The following MGAT4C variants were observed in gnomAD, a reference collection of about 807,000 sequenced individuals.
MGAT4C encodes the protein alpha-1,3-mannosyl-glycoprotein 4-beta-N-acetylglucosaminyltransferase C.
MGAT4C carries 19 observed loss-of-function variants against 40.1 expected under a neutral mutation model. That is an observed-to-expected ratio of 0.47 (90% CI 0.33 to 0.70). The LOEUF (loss-of-function observed/expected upper bound fraction) is 0.70, where lower values mean the gene tolerates loss of function less well. Ranked by LOEUF, MGAT4C falls within the 30% of genes least tolerant of loss-of-function variation. The pLI is 0.02. For missense variants in MGAT4C, 491 were observed against 563.2 expected (o/e 0.87, Z 1.30); for synonymous variants, 181 against 187.1 (o/e 0.97, Z 0.27).
chr12:86,431,534 C>T (rs1180553122), intron 3 of MGAT4C, among the ~76,000 whole-genome samples: 1 of 152,096 alleles, frequency 6.6e-6, no homozygotes, highest in Non-Finnish European at 1.5e-5. Flanking sequence ...TTCCAATAAA[C>T]CCATTATAAG....
At chr12:86,037,365 C>A (rs1015756883) in intron 2 of MGAT4C, among the ~76,000 whole-genome samples, 1 of 149,966 alleles carries the variant, frequency 6.7e-6, no homozygotes, top group Non-Finnish European at 1.5e-5. Flanking sequence ...TTCTCTAGTT[C>A]TTTTAAATGT....
intron 1 of MGAT4C, among the ~76,000 whole-genome samples, chr12:86,188,819 A>T (rs1439504337): frequency 6.6e-6 from 1 of 152,038 alleles, no homozygotes; most frequent in Non-Finnish European, 1.5e-5. Flanking sequence ...AAAATCCATG[A>T]TAATAAAATT....
intron 1 of MGAT4C, among the ~76,000 whole-genome samples, chr12:86,750,303 C>T (rs1951214943): frequency 6.6e-6 from 1 of 151,884 alleles, no homozygotes; most frequent in Non-Finnish European, 1.5e-5. Flanking sequence ...ATAGATGAGG[C>T]TGAATTCAGC....
intron 2 of MGAT4C, among the ~76,000 whole-genome samples, chr12:86,670,888 G>A (rs779346232): frequency 1.1e-4 from 16 of 152,146 alleles, no homozygotes; most frequent in East Asian, 1.9e-4. Flanking sequence ...AAAATATCTC[G>A]CTTTTATGAT....
intron 3 of MGAT4C, among the ~76,000 whole-genome samples, chr12:86,377,615 T>G (rs1272972323): frequency 3.9e-5 from 6 of 152,196 alleles, no homozygotes; most frequent in Admixed American, 3.9e-4. Context: ...ATACTTAGAC[T>G]TTTTCATCCC....
intron 2 of MGAT4C, among the ~76,000 whole-genome samples, chr12:86,630,375 A>G (rs922742233): frequency 9.2e-5 from 14 of 152,190 alleles, no homozygotes; most frequent in Non-Finnish European, 7.3e-5. Flanking sequence ...TCAACAGAAA[A>G]AGAGGGAATC....
In MGAT4C at chr12:85,979,167, G is replaced by T; in HGVS notation, c.*122C>A. On this transcript the variant is annotated 3_prime_UTR_variant, in exon 5 of 5. Coordinates refer to ENST00000611864, the MANE Select transcript of MGAT4C (RefSeq NM_001351288.2). ...TGTCAACAATGTATAAATGAAAACT[G>T]CCAATGTAATTAATGTTTCTTTTAA... 1 of 718,478 alleles carries T rather than the reference G, an allele frequency of 1.4e-6. No individual in the cohort carries two copies. The highest frequency in any genetic ancestry group is 2.2e-6 in the Non-Finnish European group (1 of 449,258). The allele number at this position is 718,478 out of a possible 1,614,324, so 44.5% of individuals were successfully genotyped here. A position where few individuals can be genotyped will look rare whatever the true frequency, so the allele number is the denominator to read the frequency against.
chr12:86,615,763 G>T (rs1218945579), intron 2 of MGAT4C, among the ~76,000 whole-genome samples: 1 of 152,018 alleles, frequency 6.6e-6, no homozygotes, highest in Admixed American at 6.5e-5. Context: ...CTGGAGAGAT[G>T]ACATTTTAGT....
At chr12:86,160,602 T>C (rs1438353763) in intron 1 of MGAT4C, among the ~76,000 whole-genome samples, 5 of 151,992 alleles carry the variant, frequency 3.3e-5, no homozygotes, top group African/African-American at 9.7e-5. Context: ...ATTGGTCAAG[T>C]GTCAAGTTGA....
intron 1 of MGAT4C, among the ~76,000 whole-genome samples, chr12:86,798,276 T>A (rs775628073): frequency 6.6e-5 from 10 of 151,968 alleles, no homozygotes; most frequent in Non-Finnish European, 1.3e-4. Flanking sequence ...AAATTTTATT[T>A]ATAATTCACT....
At chr12:86,644,843 AT>A in intron 2 of MGAT4C, among the ~76,000 whole-genome samples, 1 of 151,852 alleles carries the variant, frequency 6.6e-6, no homozygotes, top group East Asian at 1.9e-4. Context: ...AAAAGTCACG[AT>A]TTTGATGAAG....
At chr12:86,461,109 T>C (rs1219407698) in intron 2 of MGAT4C, among the ~76,000 whole-genome samples, 1 of 152,116 alleles carries the variant, frequency 6.6e-6, no homozygotes, top group Non-Finnish European at 1.5e-5. Flanking sequence ...GTGTTTATCA[T>C]GGGAATAGGT....
intron 4 of MGAT4C, among the ~76,000 whole-genome samples, chr12:86,323,106 G>A (rs146440328): frequency 2.7e-5 from 4 of 149,702 alleles, no homozygotes; most frequent in African/African-American, 9.8e-5. Flanking sequence ...ATCTCACAAA[G>A]CCCACAGAAA....
intron 1 of MGAT4C, among the ~76,000 whole-genome samples, chr12:86,213,639 C>A (rs1489792557): frequency 2.0e-5 from 3 of 152,054 alleles, no homozygotes; most frequent in Non-Finnish European, 2.9e-5. Context: ...GTATATCAAT[C>A]TGAAAATGCA....
At chr12:86,158,179 C>G (rs1885183156) in intron 1 of MGAT4C, among the ~76,000 whole-genome samples, 1 of 152,054 alleles carries the variant, frequency 6.6e-6, no homozygotes, top group Admixed American at 6.6e-5. Context: ...TAATGATACT[C>G]ATCTGTGAGT....
chr12:86,730,816 T>C (rs1312885183), intron 1 of MGAT4C, among the ~76,000 whole-genome samples: 1 of 152,132 alleles, frequency 6.6e-6, no homozygotes, highest in Non-Finnish European at 1.5e-5. Flanking sequence ...ATGATCCTCC[T>C]CTTCCTTTTA....
chr12:86,465,544 C>T (rs1360776753), intron 2 of MGAT4C, among the ~76,000 whole-genome samples: 1 of 149,900 alleles, frequency 6.7e-6, no homozygotes, highest in African/African-American at 2.4e-5. Flanking sequence ...AAGCAAAAAA[C>T]CTGAGTTAAA....
chr12:86,009,547 C>A (rs1888247421), intron 2 of MGAT4C, among the ~76,000 whole-genome samples: 1 of 152,184 alleles, frequency 6.6e-6, no homozygotes, highest in South Asian at 2.1e-4. Flanking sequence ...AACCCAGAAC[C>A]TCTAGCCAGT....
chr12:86,438,582 T>C (rs568001344), intron 2 of MGAT4C, among the ~76,000 whole-genome samples: 2 of 152,030 alleles, frequency 1.3e-5, no homozygotes, highest in African/African-American at 2.4e-5. Flanking sequence ...AAAGTAACTA[T>C]GTAACAATCA....
Sources: gnomAD v4.1 joint callset for allele counts (sites outside exome capture counted in the v4.1 genomes callset) on GRCh38, gnomAD v4.1.1 for gene constraint, MANE v1.5 for transcripts, NCBI Gene and HGNC (gene_info 2026-07-23, HGNC 2026-07-21) for gene names.